Variants in ADAM19 observed in about 807,000 individuals in gnomAD.
ADAM19 encodes ADAM metallopeptidase domain 19.
ADAM19 carries 65 observed loss-of-function variants against 114.7 expected under a neutral mutation model. That is an observed-to-expected ratio of 0.57 (90% CI 0.46 to 0.70). The LOEUF is 0.70. Among genes scored for constraint, ADAM19 ranks in the 30% least tolerant of loss-of-function variants. The probability of loss-of-function intolerance (pLI) is 0.00; values close to 1 mark genes in which losing one functional copy is unlikely to be tolerated. For missense variants in ADAM19, 1,063 were observed against 1,204.7 expected (o/e 0.88, Z 1.74); for synonymous variants, 466 against 460.5 (o/e 1.01, Z -0.15).
intron 6 of ADAM19, among the ~76,000 whole-genome samples, chr5:157,519,217 A>G (rs936569827): frequency 6.6e-6 from 1 of 152,206 alleles, no homozygotes; most frequent in Non-Finnish European, 1.5e-5. Context: ...GAACCTCGAA[A>G]CCTCGAAACA....
chr5:157,569,001 G>A (rs563584151), intron 2 of ADAM19: 1 of 152,262 alleles, frequency 6.6e-6, no homozygotes, highest in African/African-American at 2.4e-5. Flanking sequence ...TCCACATCTG[G>A]AGAGAACAAA....
chr5:157,479,968 GC>G lies in ADAM19; in HGVS notation c.*980del. 1.0e-6 allele frequency: 1 copy of G among 985,846 alleles called. No individual in the cohort carries two copies. Among genetic ancestry groups the G allele is most frequent in the Non-Finnish European group, 1.2e-6 (1 of 829,974 alleles). The allele number at this position is 985,846 out of a possible 1,614,324, so 61.1% of individuals were successfully genotyped here. The stretch of plus-strand genomic sequence containing the variant: ...GAAAAATAAACATATGACCCCAATG[GC>G]CATGCCCCAAGTCTACTCTGGTCAC... On this transcript the variant is annotated 3_prime_UTR_variant, in exon 23 of 23. Coordinates refer to ENST00000257527, the MANE Select transcript of ADAM19 (RefSeq NM_033274.5).
chr5:157,526,464 T>TAC (rs139201135), intron 5 of ADAM19, among the ~76,000 whole-genome samples: 3,006 of 152,270 alleles, frequency 0.02, 110 homozygotes, highest in African/African-American at 0.069. Flanking sequence ...GACAGTGAGC[T>TAC]ACAGACTCAC....
chr5:157,498,971 G>C (rs1401731959), intron 13 of ADAM19, among the ~76,000 whole-genome samples: 1 of 152,030 alleles, frequency 6.6e-6, no homozygotes. Context: ...TTGTGGAAGA[G>C]AGATTGTGGT....
At chr5:157,574,510 C>T (rs1173533909) in intron 1 of ADAM19, among the ~76,000 whole-genome samples, 1 of 152,172 alleles carries the variant, frequency 6.6e-6, no homozygotes, top group African/African-American at 2.4e-5. Flanking sequence ...GAGCTCTCAG[C>T]CTCTGGGTTT....
chr5:157,558,987 A>T (rs909504650), intron 3 of ADAM19, among the ~76,000 whole-genome samples: 1 of 152,222 alleles, frequency 6.6e-6, no homozygotes, highest in Non-Finnish European at 1.5e-5. Flanking sequence ...TTCCAGGACA[A>T]TGAAAGCCTT....
At chr5:157,493,303 G>A (rs759482407) in intron 15 of ADAM19, 126 bp from the exon 16 acceptor site, 6 of 947,872 alleles carry the variant, frequency 6.3e-6, no homozygotes, top group Non-Finnish European at 9.5e-6. Flanking sequence ...AAAGGTTTAG[G>A]GCAGTCATGT....
At chr5:157,567,659 T>C (rs925370226) in intron 2 of ADAM19, among the ~76,000 whole-genome samples, 1 of 152,088 alleles carries the variant, frequency 6.6e-6, no homozygotes, top group Non-Finnish European at 1.5e-5. Context: ...TAGCCAGGCA[T>C]GGTGGCGCAT....
At chr5:157,533,162 C>T (rs969448653) in intron 4 of ADAM19, among the ~76,000 whole-genome samples, 5 of 152,198 alleles carry the variant, frequency 3.3e-5, no homozygotes, top group Non-Finnish European at 5.9e-5. Flanking sequence ...AACACGGCCT[C>T]GTTCTCCAGA....
Position 157,540,893 on chromosome 5 carries a change from C to T in ADAM19, c.252-2902G>A, listed in dbSNP as rs530239968. Among the ~76,000 whole-genome samples, 89 of 152,288 alleles carry T rather than the reference C, an allele frequency of 5.8e-4. 1 individual carries two copies. Among genetic ancestry groups the T allele is most frequent in the African/African-American group, 1.9e-3 (81 of 41,548 alleles). On this transcript the variant is annotated intron_variant, in intron 3 of 22. Coordinates refer to ENST00000257527, the MANE Select transcript of ADAM19 (RefSeq NM_033274.5). ...GCCTCTGAATCTACATAAAACAATC[C>T]GCTTTCATTTTCCACCTAATCACCC...
intron 15 of ADAM19, among the ~76,000 whole-genome samples, 188 bp from the exon 16 acceptor site, chr5:157,493,365 G>A (rs1755239311): frequency 6.6e-6 from 1 of 152,166 alleles, no homozygotes; most frequent in Non-Finnish European, 1.5e-5. Context: ...CAAGGGAAGA[G>A]AACAGGCTCC....
intron 2 of ADAM19, among the ~76,000 whole-genome samples, chr5:157,569,437 T>TTTTG (rs1183071500): frequency 4.1e-5 from 6 of 146,074 alleles, no homozygotes; most frequent in East Asian, 3.9e-4. Flanking sequence ...TTTTTTTTTT[T>TTTTG]TGTAGAGATA....
At chr5:157,573,311 T>C (rs1206890871) in intron 1 of ADAM19, among the ~76,000 whole-genome samples, 1 of 152,200 alleles carries the variant, frequency 6.6e-6, no homozygotes, top group Non-Finnish European at 1.5e-5. Context: ...GACTCACCCA[T>C]GGATTACTGC....
chr5:157,530,053 T>C (rs140618150), intron 5 of ADAM19, among the ~76,000 whole-genome samples: 4 of 152,176 alleles, frequency 2.6e-5, no homozygotes, highest in South Asian at 4.1e-4. Flanking sequence ...ATATTAACCA[T>C]GTGTCTTCTT....
chr5:157,513,314 G>T, intron 8 of ADAM19, 120 bp downstream of exon 8: 1 of 936,532 alleles, frequency 1.1e-6, no homozygotes, highest in Non-Finnish European at 1.7e-6. Flanking sequence ...GGCCTCTATG[G>T]CACTGCTCAT....
At chr5:157,509,737 A>T (rs1755857633) in intron 8 of ADAM19, among the ~76,000 whole-genome samples, 1 of 152,214 alleles carries the variant, frequency 6.6e-6, no homozygotes, top group Non-Finnish European at 1.5e-5. Context: ...AGAGAGCAGG[A>T]CATTCTGGTG....
chr5:157,495,744 C>T (rs1166718874), intron 14 of ADAM19, among the ~76,000 whole-genome samples: 2 of 152,082 alleles, frequency 1.3e-5, no homozygotes, highest in African/African-American at 4.8e-5. Flanking sequence ...AGAGATTCTC[C>T]TGTCTTAGCC....
At chr5:157,568,271 G>C (rs538229270) in intron 2 of ADAM19, 1 of 152,320 alleles carries the variant, frequency 6.6e-6, no homozygotes, top group Admixed American at 6.5e-5. Context: ...ACCATGCCCC[G>C]CCAGGAGTAG....
chr5:157,547,557 A>G (rs1244587093), intron 3 of ADAM19, among the ~76,000 whole-genome samples: 5 of 152,128 alleles, frequency 3.3e-5, no homozygotes, highest in Non-Finnish European at 7.4e-5. Flanking sequence ...AGACGCTGAT[A>G]CCTTGATGTT....
Sources: gnomAD v4.1 joint callset for allele counts (sites outside exome capture counted in the v4.1 genomes callset) on GRCh38, gnomAD v4.1.1 for gene constraint, MANE v1.5 for transcripts, NCBI Gene and HGNC (gene_info 2026-07-23, HGNC 2026-07-21) for gene names.